Variants in MOV10L1 observed in about 807,000 individuals in gnomAD.
The protein encoded by MOV10L1 is RNA helicase Mov10l1.
MOV10L1 carries 110 observed loss-of-function variants against 143.8 expected under a neutral mutation model. The ratio of observed to expected loss-of-function variants is 0.76; its 90% CI spans 0.66 to 0.90. The LOEUF (loss-of-function observed/expected upper bound fraction) is 0.90. Among genes scored for constraint, MOV10L1 ranks in the 40% least tolerant of loss-of-function variants. The probability of loss-of-function intolerance (pLI) is 0.00; values close to 1 mark genes in which losing one functional copy is unlikely to be tolerated. For missense variants in MOV10L1, 1,406 were observed against 1,526.8 expected (o/e 0.92, Z 1.32); for synonymous variants, 593 against 581.1 (o/e 1.02, Z -0.29).
At chr22:50,130,582 G>A (rs936683387) in intron 13 of MOV10L1, among the ~76,000 whole-genome samples, 4 of 151,774 alleles carry the variant, frequency 2.6e-5, no homozygotes, top group Admixed American at 2.0e-4. Flanking sequence ...CCAGGAGGGG[G>A]GTACTTTTTG....
chr22:50,143,913 C>T (rs1354250922), intron 17 of MOV10L1, among the ~76,000 whole-genome samples, 184 bp from the exon 18 acceptor site: 1 of 152,220 alleles, frequency 6.6e-6, no homozygotes, highest in Non-Finnish European at 1.5e-5. Context: ...TCCCACCTAA[C>T]CCATGCTTTG....
In MOV10L1 at chr22:50,097,920, G is replaced by A. The variant is rs963233961; in HGVS notation, c.283-1523G>A. 2.6e-5 allele frequency among the ~76,000 whole-genome samples: 4 copies of A among 151,970 alleles called. No individual in the cohort carries two copies. In the East Asian group the frequency reaches 7.7e-4, roughly 29 times the overall value. ...GTGATATTGACTCATTGCAACCTCC[G>A]CCTCCCTGGTTCAAGCAATTCTCAT... On this transcript the variant is annotated intron_variant, in intron 2 of 26. Transcript: ENST00000262794.
chr22:50,091,233 C>T (rs1415411263), intron 1 of MOV10L1: 1 of 167,472 alleles, frequency 6.0e-6, no homozygotes, highest in Non-Finnish European at 1.5e-5. Context: ...AGCTCCAGCT[C>T]TTGGCAGCGC....
rs1237511004 is a variant in MOV10L1, at chr22:50,158,459, A to G, written c.3216+253A>G. 1.8e-5 allele frequency: 9 copies of G among 500,356 alleles called. No homozygotes were observed. The highest frequency in any genetic ancestry group is 1.4e-4 in the African/African-American group (7 of 50,714). 31.0% of individuals were successfully genotyped at this position (500,356 alleles called of 1,614,324 possible). A position where few individuals can be genotyped will look rare whatever the true frequency, so the allele number is the denominator to read the frequency against. On this transcript the variant is annotated intron_variant, in intron 23 of 26. Coordinates refer to ENST00000262794, the MANE Select transcript of MOV10L1 (RefSeq NM_018995.3). The surrounding 1 kb of genome is among the most constrained non-coding windows in gnomAD (Gnocchi z 5.0). ...TTTACATTTCTAAATGGTTACATTT[A>G]TATGTCCCTTGATATTTGGCCCTTT...
chr22:50,108,630 C>T (rs758886257), intron 4 of MOV10L1, 27 bp from the exon 5 acceptor site: 6 of 1,611,814 alleles, frequency 3.7e-6, no homozygotes, highest in Non-Finnish European at 5.1e-6. Context: ...CATCTGCTTC[C>T]TGTGACGCTC....
At chr22:50,117,625 C>T (rs2062217943) in intron 9 of MOV10L1, among the ~76,000 whole-genome samples, 1 of 152,206 alleles carries the variant, frequency 6.6e-6, no homozygotes, top group Non-Finnish European at 1.5e-5. Context: ...TCTGCTCTGG[C>T]AGTTCCAAGG....
rs573724518 is a variant in MOV10L1, at chr22:50,158,602, G to C, written c.3216+396G>C. 2 of 168,620 alleles carry C rather than the reference G, an allele frequency of 1.2e-5. No individual in the cohort carries two copies. Among genetic ancestry groups the C allele is most frequent in the South Asian group, 1.5e-4 (1 of 6,756 alleles). 10.4% of individuals were successfully genotyped at this position (168,620 alleles called of 1,614,324 possible). A position where few individuals can be genotyped will look rare whatever the true frequency, so the allele number is the denominator to read the frequency against. ...GACTCTGTGATGTGATTATAGGAGA[G>C]TTAGCGTCCCCAGGCCCCAGGGGCT... On this transcript the variant is annotated intron_variant, in intron 23 of 26. Coordinates refer to ENST00000262794, the MANE Select transcript of MOV10L1 (RefSeq NM_018995.3). This position sits in a 1 kb window ranked among gnomAD's most constrained non-coding sequence, Gnocchi z 5.0.
chr22:50,096,313 G>A (rs2062588185), intron 2 of MOV10L1: 1 of 152,240 alleles, frequency 6.6e-6, no homozygotes, highest in Non-Finnish European at 1.5e-5. Flanking sequence ...CATGTAGCAT[G>A]TATCAAAAGT....
chr22:50,123,401 G>A (rs2147208856), intron 10 of MOV10L1, among the ~76,000 whole-genome samples: 1 of 152,162 alleles, frequency 6.6e-6, no homozygotes, highest in Non-Finnish European at 1.5e-5. Context: ...GTCTCACTGT[G>A]TTGCCCAGGC....
chr22:50,125,565 C>T lies in MOV10L1; in HGVS notation c.1743C>T (p.Tyr581=), dbSNP rs147135412. The part of the protein sequence containing the change: ...PGLAEGRPSL[Y]AGDKLILKTQ... ...TGGCCGAAGGGAGGCCTTCTCTCTACGCAGGTGTGTTTGTTACTCATATGC... is the reference window on the plus strand; with the variant it reads ...TGGCCGAAGGGAGGCCTTCTCTCTATGCAGGTGTGTTTGTTACTCATATGC... Residue 581 remains tyrosine (Y), a synonymous_variant, in exon 11 of 27, where the codon TAC becomes TAT. Coordinates refer to ENST00000262794, the MANE Select transcript of MOV10L1 (RefSeq NM_018995.3). The T allele has an allele frequency of 3.4e-5, 55 of 1,613,704 alleles. No homozygotes were observed. The highest frequency in any genetic ancestry group is 5.0e-5 in the Admixed American group (3 of 59,978).
At chr22:50,126,323 G>T (rs369769780) in intron 12 of MOV10L1, 51 bp downstream of exon 12, 72 of 1,396,836 alleles carry the variant, frequency 5.2e-5, no homozygotes, top group Non-Finnish European at 6.7e-5. Context: ...CCTTCTGACC[G>T]GTTGGAAAGG....
chr22:50,145,900 A>G, intron 19 of MOV10L1, 90 bp downstream of exon 19: 2 of 1,556,766 alleles, frequency 1.3e-6, no homozygotes, highest in South Asian at 2.3e-5. Context: ...CGGATGACCC[A>G]GAGACTCAGT....
At chr22:50,139,861 C>T (rs1019127683) in intron 15 of MOV10L1, among the ~76,000 whole-genome samples, 1 of 152,174 alleles carries the variant, frequency 6.6e-6, no homozygotes, top group Admixed American at 6.5e-5. Context: ...GGGCCATCTG[C>T]GCGTTGGTGA....
At chr22:50,099,025 G>T (rs1333928473) in intron 2 of MOV10L1, among the ~76,000 whole-genome samples, 1 of 152,206 alleles carries the variant, frequency 6.6e-6, no homozygotes, top group Non-Finnish European at 1.5e-5. Flanking sequence ...TAGTCATGGG[G>T]TATAATCCTT....
At chr22:50,135,750 CAAA>C (rs1242001364) in intron 15 of MOV10L1, among the ~76,000 whole-genome samples, 6 of 56,506 alleles carry the variant, frequency 1.1e-4, no homozygotes, top group Non-Finnish European at 1.1e-4. Flanking sequence ...GACTCCATCT[CAAA>C]AAAAAAAAAA....
At chr22:50,133,553 T>G (rs555642568) in intron 13 of MOV10L1, among the ~76,000 whole-genome samples, 1 of 151,660 alleles carries the variant, frequency 6.6e-6, no homozygotes, top group East Asian at 1.9e-4. Flanking sequence ...TTTACAAAAA[T>G]TTTTTTAGAC....
rs1366179154 is a variant in MOV10L1, at chr22:50,149,679, A to ATTCCTCTG, written c.2693_2700dup (p.Gly901PhefsTer5). The ATTCCTCTG allele has an allele frequency of 3.1e-6, 5 of 1,614,034 alleles. No individual in the cohort carries two copies. On this transcript the variant is annotated frameshift_variant, in exon 20 of 27. Coordinates refer to ENST00000262794, the MANE Select transcript of MOV10L1 (RefSeq NM_018995.3). LOFTEE classifies it high-confidence loss of function. ...GCAGGCAAGTGAGCCGGAATGCCTC[A>ATTCCTCTG]TTCCTCTGGGGCTGATGTCGGACAT...
intron 17 of MOV10L1, 22 bp from the exon 18 acceptor site, chr22:50,144,075 C>G (rs763009229): frequency 6.3e-7 from 1 of 1,596,566 alleles, no homozygotes; most frequent in South Asian, 1.1e-5. Flanking sequence ...GAGCCTTGGT[C>G]TCTTGTGTGT....
At chr22:50,122,711 T>C (rs927915735) in intron 10 of MOV10L1, among the ~76,000 whole-genome samples, 2 of 149,558 alleles carry the variant, frequency 1.3e-5, no homozygotes, top group Non-Finnish European at 3.0e-5. Context: ...TTTCATCATT[T>C]TGAGGTGATG....
Sources: allele counts gnomAD v4.1 joint callset (sites outside exome capture counted in the v4.1 genomes callset), GRCh38; gene constraint gnomAD v4.1.1; non-coding constraint Gnocchi (gnomAD v3.1); transcripts MANE v1.5; gene names NCBI Gene and HGNC (gene_info 2026-07-23, HGNC 2026-07-21).